COL7A1: variants seen among roughly 807,000 people sequenced by gnomAD.
COL7A1 encodes the protein collagen alpha-1(VII) chain.
A neutral mutation model predicts 456.2 loss-of-function variants in COL7A1; 296 were observed. That is an observed-to-expected ratio of 0.65 (90% CI 0.59 to 0.71). COL7A1 has a LOEUF of 0.71. Ranked by LOEUF, COL7A1 falls within the 30% of genes least tolerant of loss-of-function variation. The probability of loss-of-function intolerance (pLI) is 0.00; values close to 1 mark genes in which losing one functional copy is unlikely to be tolerated. For synonymous variants in COL7A1, 1,464 were observed against 1,525.9 expected (o/e 0.96, Z 0.95); for missense variants, 3,441 against 4,017.2 (o/e 0.86, Z 3.88).
At position 48,593,134 on chromosome 3, in the gene COL7A1, G is replaced by A. The variant is rs748496940; in HGVS notation, c.650C>T (p.Thr217Met). The change falls in exon 6 of 119, where the codon ACG becomes ATG. Residue 217 changes from threonine (T) to methionine (M), a missense_variant. Around this residue, in one of 3 missense-constraint regions of COL7A1, gnomAD observed 913 missense variants for 1,088.2 expected, o/e 0.84. Transcript: ENST00000681320. This position sits in a 1 kb window ranked among gnomAD's most constrained non-coding sequence, Gnocchi z 4.4. ...LLPLVSRRVC[T>M]TAGGVPVTRP... is the part of the protein sequence containing the mutation. ...GGTCACAGGCACGCCACCAGCAGTC[G>A]TGCACACTCTCCGGGAAACGAGGGG... 1.2e-5 allele frequency: 19 copies of A among 1,613,954 alleles called. No individual in the cohort carries two copies. Among genetic ancestry groups the A allele is most frequent in the East Asian group, 8.9e-5 (4 of 44,880 alleles).
At chr3:48,576,016 A>G in intron 71 of COL7A1, 114 bp from the exon 72 acceptor site, 1 of 1,529,128 alleles carries the variant, frequency 6.5e-7, no homozygotes. Flanking sequence ...TCTTGCCCAG[A>G]GCACCCTTTA....
chr3:48,570,061 G>A lies in COL7A1; in HGVS notation c.7485+73C>T. ...CCAGAGGGCTAGGGAGGATGGCAGA[G>A]AGTCCTGGGGTACAAAGGGCACAGG... On this transcript the variant is annotated intron_variant, in intron 99 of 118. Transcript: ENST00000681320. This position sits in a 1 kb window ranked among gnomAD's most constrained non-coding sequence, Gnocchi z 5.5. The A allele has an allele frequency of 5.0e-6, 8 of 1,600,440 alleles. No homozygotes were observed. Among genetic ancestry groups the A allele is most frequent in the Non-Finnish European group, 6.8e-6 (8 of 1,167,982 alleles).
chr3:48,588,559 T>C lies in COL7A1; in HGVS notation c.2587+83A>G. On this transcript the variant is annotated intron_variant, in intron 20 of 118. Transcript: ENST00000681320. The surrounding 1 kb of genome is among the most constrained non-coding windows in gnomAD (Gnocchi z 4.6). The stretch of plus-strand genomic sequence containing the variant: ...AAAGGCTCACTACCAATCCTGGTCC[T>C]TTCTCCAATCCAGAGCACAAGCCCG... 4 of 1,611,442 alleles carry C rather than the reference T, an allele frequency of 2.5e-6. No individual in the cohort carries two copies. Among genetic ancestry groups the C allele is most frequent in the Non-Finnish European group, 3.4e-6 (4 of 1,178,942 alleles).
In COL7A1 at chr3:48,568,674, G is replaced by A. The variant is rs573371124; in HGVS notation, c.7758+110C>T. The A allele has an allele frequency of 1.5e-4, 222 of 1,471,538 alleles. 3 individuals are homozygous for A. The South Asian group carries it at 2.1e-3, about 14-fold the overall frequency. The allele number at this position is 1,471,538 out of a possible 1,614,324, so 91.2% of individuals were successfully genotyped here. On this transcript the variant is annotated intron_variant, in intron 104 of 118. Transcript: ENST00000681320. This position sits in a 1 kb window ranked among gnomAD's most constrained non-coding sequence, Gnocchi z 5.2. ...ATCCCGGGTGAACACACATGGGGCC[G>A]GCAGCAAGGGAGCCAGAACCCCCAG...
Position 48,579,037 on chromosome 3 carries a change from G to T in COL7A1, c.5389-83C>A. 6.3e-7 allele frequency: 1 copy of T among 1,582,538 alleles called. No individual in the cohort carries two copies. The highest frequency in any genetic ancestry group is 1.1e-5 in the South Asian group (1 of 90,362). On this transcript the variant is annotated intron_variant, in intron 62 of 118. Coordinates refer to ENST00000681320, the MANE Select transcript of COL7A1 (RefSeq NM_000094.4). This position sits in a 1 kb window ranked among gnomAD's most constrained non-coding sequence, Gnocchi z 4.4. ...TGTGAGCCTAAGGCCTGCATGGCAA[G>T]AACATGCCCCACCCAGGCAGGGCTC...
chr3:48,593,192 CGAA>C lies in COL7A1; in HGVS notation c.589_591del (p.Phe197del), dbSNP rs543646523. On this transcript the variant is annotated inframe_deletion, in exon 6 of 119. Coordinates refer to ENST00000681320, the MANE Select transcript of COL7A1 (RefSeq NM_000094.4). This position sits in a 1 kb window ranked among gnomAD's most constrained non-coding sequence, Gnocchi z 4.4. ...GTCCTCAAGATGCTGAAGTCATTGACGAAGAAGAAGAAGTCACTGGTGGGCTGT... is the reference window on the plus strand; with the variant it reads ...GTCCTCAAGATGCTGAAGTCATTGACGAAGAAGAAGTCACTGGTGGGCTGT... 151 of 1,614,038 alleles carry C rather than the reference CGAA, an allele frequency of 9.4e-5. No homozygotes were observed. Among genetic ancestry groups the C allele is most frequent in the East Asian group, 4.2e-4 (19 of 44,870 alleles).
rs181247235 is a variant in COL7A1 at position 48,593,497 on chromosome 3, T to C, written c.426+40A>G. On this transcript the variant is annotated intron_variant, in intron 4 of 118. Transcript: ENST00000681320. This position sits in a 1 kb window ranked among gnomAD's most constrained non-coding sequence, Gnocchi z 4.4. The stretch of plus-strand genomic sequence containing the variant: ...ATCACGGTTCCCCTGGACACTTCAT[T>C]TGGGGTCATCTTGGGAGGCATGGTA... 689 of 1,613,948 alleles carry C rather than the reference T, an allele frequency of 4.3e-4. 2 individuals are homozygous for C. The highest frequency in any genetic ancestry group is 1.0e-3 in the East Asian group (45 of 44,878).
chr3:48,569,697 G>T lies in COL7A1; in HGVS notation c.7557+28C>A. ...AGGAGTCGGGAGCACCCTGGCCCCT[G>T]CCCTGCCCTCCCCATGCCCACACTC... On this transcript the variant is annotated intron_variant, in intron 101 of 118. Transcript: ENST00000681320. This position sits in a 1 kb window ranked among gnomAD's most constrained non-coding sequence, Gnocchi z 4.9. 6.2e-7 allele frequency: 1 copy of T among 1,614,030 alleles called. No homozygotes were observed. The highest frequency in any genetic ancestry group is 8.5e-7 in the Non-Finnish European group (1 of 1,179,952).
At position 48,593,058 on chromosome 3, in the gene COL7A1, G is replaced by A. The variant is rs41290694; in HGVS notation, c.682+44C>T. The A allele has an allele frequency of 3.1e-5, 50 of 1,613,926 alleles. No homozygotes were observed. The highest frequency in any genetic ancestry group is 4.2e-5 in the Non-Finnish European group (49 of 1,179,894). On this transcript the variant is annotated intron_variant, in intron 6 of 118. Transcript: ENST00000681320. This position sits in a 1 kb window ranked among gnomAD's most constrained non-coding sequence, Gnocchi z 4.4. Reference sequence around the variant, plus strand: ...TCAGCACTGCCAAGTGGGGATTGGGGTCCGGGGTCTAGGTCAGGGTACACC... The same window carrying A: ...TCAGCACTGCCAAGTGGGGATTGGGATCCGGGGTCTAGGTCAGGGTACACC...
Position 48,571,473 on chromosome 3 carries a change from G to C in COL7A1, c.7069-195C>G. Reference sequence around the variant, plus strand: ...CTCAGGACAGCACAGACAGAGGGACGCTCAGATACTACCATAGACAGGTGG... The same window carrying C: ...CTCAGGACAGCACAGACAGAGGGACCCTCAGATACTACCATAGACAGGTGG... On this transcript the variant is annotated intron_variant, in intron 92 of 118. Transcript: ENST00000681320. The surrounding 1 kb of genome is among the most constrained non-coding windows in gnomAD (Gnocchi z 4.6). The C allele has an allele frequency of 1.3e-6, 1 of 742,486 alleles. No homozygotes were observed. Among genetic ancestry groups the C allele is most frequent in the Non-Finnish European group, 2.4e-6 (1 of 409,800 alleles). The allele number at this position is 742,486 out of a possible 1,614,324, so 46.0% of individuals were successfully genotyped here.
rs1293652993 is a variant in COL7A1, at chr3:48,579,435, G to A, written c.5272-31C>T. ...GGGAACAGGGTCAGATAAGAGGTGAGGGTAAGATGGGGACTTGGCAGACGG... is the reference window on the plus strand; with the variant it reads ...GGGAACAGGGTCAGATAAGAGGTGAAGGTAAGATGGGGACTTGGCAGACGG... On this transcript the variant is annotated intron_variant, in intron 60 of 118. Transcript: ENST00000681320. The surrounding 1 kb of genome is among the most constrained non-coding windows in gnomAD (Gnocchi z 4.4). 2 of 1,614,196 alleles carry A rather than the reference G, an allele frequency of 1.2e-6. No individual in the cohort carries two copies. The highest frequency in any genetic ancestry group is 2.2e-5 in the East Asian group (1 of 44,876).
In COL7A1 at chr3:48,584,213, A is replaced by G. The variant is rs968265257; in HGVS notation, c.4197+85T>C. ...GGATGGGGGTAATCAAAGGGTCACA[A>G]GGGCCAGAGTAACTGGCAGGGGTTA... On this transcript the variant is annotated intron_variant, in intron 37 of 118. Coordinates refer to ENST00000681320, the MANE Select transcript of COL7A1 (RefSeq NM_000094.4). 6 of 1,539,394 alleles carry G rather than the reference A, an allele frequency of 3.9e-6. No individual in the cohort carries two copies. In the Admixed American group the frequency reaches 9.5e-5, roughly 24 times the overall value.
Position 48,593,117 on chromosome 3 carries a change from G to T in COL7A1, c.667C>A (p.Pro223Thr). 6.2e-7 allele frequency: 1 copy of T among 1,614,088 alleles called. No homozygotes were observed. The change falls in exon 6 of 119, where the codon CCT (proline) becomes ACT (threonine). Residue 223 changes from proline (P) to threonine (T), a missense_variant. Physicochemically the swap from Pro to Thr is conservative, Grantham distance 38. This residue lies in a region of COL7A1 where 913 missense variants were observed against 1,088.2 expected (regional missense o/e 0.84). Transcript: ENST00000681320. This position sits in a 1 kb window ranked among gnomAD's most constrained non-coding sequence, Gnocchi z 4.4. ...AGGAACTCACGAGGTCGGGTCACAGGCACGCCACCAGCAGTCGTGCACACT... is the reference window on the plus strand; with the variant it reads ...AGGAACTCACGAGGTCGGGTCACAGTCACGCCACCAGCAGTCGTGCACACT... ...RRVCTTAGGV[P>T]VTRPPDDSTS...
chr3:48,591,987 G>A lies in COL7A1; in HGVS notation c.1268C>T (p.Pro423Leu), dbSNP rs147947287. ...GATGGATGTGGGGCCCAGGATGACC[G>A]GGCGCAGGGTCTGCTCAACAGAAGC... ...TDASVEQTLR[P>L]VILGPTSILL... is the part of the protein sequence containing the mutation. The change falls in exon 11 of 119, where the codon CCG becomes CTG. Residue 423 changes from proline to leucine, a missense_variant. Pro to Leu is a moderately conservative substitution (Grantham distance 98, BLOSUM62 -3). Transcript: ENST00000681320. This position sits in a 1 kb window ranked among gnomAD's most constrained non-coding sequence, Gnocchi z 7.0. 1.6e-4 allele frequency: 254 copies of A among 1,614,080 alleles called. No homozygotes were observed. Among genetic ancestry groups the A allele is most frequent in the Non-Finnish European group, 2.0e-4 (235 of 1,180,042 alleles).
chr3:48,584,971 C>T, intron 33 of COL7A1, 26 bp from the exon 34 acceptor site: 1 of 1,613,704 alleles, frequency 6.2e-7, no homozygotes, highest in Admixed American at 1.7e-5. Flanking sequence ...AGAGGCAGAA[C>T]AGTCGGAGCC....
In COL7A1 at chr3:48,569,977, CA is replaced by C. The variant is rs1290611955; in HGVS notation, c.7486-63del. The stretch of plus-strand genomic sequence containing the variant: ...AGGGCAGTGGAGGACGGAGGAGGAT[CA>C]GGGGGAGGAGGGAAACAGTGGGGAC... On this transcript the variant is annotated intron_variant, in intron 99 of 118. Coordinates refer to ENST00000681320, the MANE Select transcript of COL7A1 (RefSeq NM_000094.4). This position sits in a 1 kb window ranked among gnomAD's most constrained non-coding sequence, Gnocchi z 4.9. The C allele has an allele frequency of 2.0e-5, 32 of 1,609,864 alleles. No homozygotes were observed. Among genetic ancestry groups the C allele is most frequent in the Middle Eastern group, 3.3e-4 (2 of 6,058 alleles).
chr3:48,594,392 G>A lies in COL7A1; in HGVS notation c.242C>T (p.Thr81Ile). ...CCGTGGGTCATCGCTGTACTGCACT[G>A]TGGCAAAGCGCACACCCTGTGCACT... ...AASAQGVRFA[T>I]VQYSDDPRTE... The change falls in exon 3 of 119, where the codon ACA becomes ATA. Residue 81 changes from threonine to isoleucine, a missense_variant. Coordinates refer to ENST00000681320, the MANE Select transcript of COL7A1 (RefSeq NM_000094.4). The surrounding 1 kb of genome is among the most constrained non-coding windows in gnomAD (Gnocchi z 5.5). 1.9e-6 allele frequency: 3 copies of A among 1,611,240 alleles called. No homozygotes were observed. The highest frequency in any genetic ancestry group is 2.5e-6 in the Non-Finnish European group (3 of 1,180,024).
Position 48,581,456 on chromosome 3 carries a change from C to T in COL7A1, c.4810G>A (p.Gly1604Arg). 6.2e-7 allele frequency: 1 copy of T among 1,614,040 alleles called. No homozygotes were observed. Among genetic ancestry groups the T allele is most frequent in the Non-Finnish European group, 8.5e-7 (1 of 1,180,008 alleles). Reference sequence around the variant, plus strand: ...GGGTAACGGGTACTCACTGGGGGTCCTGCTCTGCCAGTAAGGCCAATGGGA... The same window carrying T: ...GGGTAACGGGTACTCACTGGGGGTCTTGCTCTGCCAGTAAGGCCAATGGGA... The part of the protein sequence containing the change: ...RGPIGLTGRA[G>R]PPGDSGPPGE... The change falls in exon 51 of 119, where the codon GGA becomes AGA. Residue 1604 changes from glycine (G) to arginine (R), a missense_variant. This residue lies in a region of COL7A1 where 2,084 missense variants were observed against 2,501.3 expected (regional missense o/e 0.83). Coordinates refer to ENST00000681320, the MANE Select transcript of COL7A1 (RefSeq NM_000094.4). The surrounding 1 kb of genome is among the most constrained non-coding windows in gnomAD (Gnocchi z 5.8).
Position 48,589,641 on chromosome 3 carries a change from G to A in COL7A1, c.2128C>T (p.Pro710Ser). 1 of 1,613,960 alleles carries A rather than the reference G, an allele frequency of 6.2e-7. No homozygotes were observed. Among genetic ancestry groups the A allele is most frequent in the Middle Eastern group, 1.6e-4 (1 of 6,062 alleles). ...GAAACCCTGTATCCTGTGGCGCCAG[G>A]AACCCTGGTCCAGGTAATGGTGACA... ...SSVTITWTRV[P>S]GATGYRVSWH... Residue 710 changes from proline to serine, a missense_variant, in exon 17 of 119, where the codon CCT (proline) becomes TCT (serine). By Grantham distance (74) the Pro-to-Ser change is moderately conservative (BLOSUM62 -1). Coordinates refer to ENST00000681320, the MANE Select transcript of COL7A1 (RefSeq NM_000094.4).
Sources: allele counts gnomAD v4.1 joint callset, GRCh38; gene constraint gnomAD v4.1.1; regional missense constraint gnomAD v4.1.1; non-coding constraint Gnocchi (gnomAD v3.1); transcripts MANE v1.5; gene names NCBI Gene and HGNC (gene_info 2026-07-23, HGNC 2026-07-21).